The following TXNRD3 variants were observed in gnomAD, a reference collection of about 807,000 sequenced individuals.
The protein encoded by TXNRD3 is TXNRD3 neighbor gene protein.
In TXNRD3, 68 loss-of-function variants were observed where a neutral mutation model predicts 78.2. The observed-to-expected ratio is 0.87, with a 90% CI of 0.72 to 1.06. The LOEUF (loss-of-function observed/expected upper bound fraction) is 1.06, where lower values mean the gene tolerates loss of function less well. Among genes scored for constraint, TXNRD3 ranks in the 50% least tolerant of loss-of-function variants. The pLI is 0.00. For synonymous variants in TXNRD3, 296 were observed against 300.1 expected, an observed-to-expected ratio of 0.99 and a Z score of 0.14; for missense variants, 751 against 809.5, an observed-to-expected ratio of 0.93 and a Z score of 0.88.
Position 126,630,857 on chromosome 3 carries a change from C to G in TXNRD3, c.1052G>C (p.Gly351Ala). 2 of 1,535,950 alleles carry G rather than the reference C, an allele frequency of 1.3e-6. No individual in the cohort carries two copies. The highest frequency in any genetic ancestry group is 1.7e-6 in the Non-Finnish European group (2 of 1,146,846). Residue 351 changes from glycine to alanine, a missense_variant, in exon 9 of 16, where the codon GGG (glycine) becomes GCG (alanine). Gly to Ala is a moderately conservative substitution (Grantham distance 60). Transcript: ENST00000524230. Reference sequence around the variant, plus strand: ...ATCTAGGCCAAAGCCAGCCAGAAACCCTGCACACTCCAGGGCAACATAAGA... The same window carrying G: ...ATCTAGGCCAAAGCCAGCCAGAAACGCTGCACACTCCAGGGCAACATAAGA...
At chr3:126,625,951 A>T (rs1938570263) in intron 10 of TXNRD3, 1 of 152,856 alleles carries the variant, frequency 6.5e-6, no homozygotes, top group African/African-American at 2.4e-5. Context: ...TGCAGAATGG[A>T]AAATCAAGAC....
intron 1 of TXNRD3, among the ~76,000 whole-genome samples, chr3:126,647,939 G>C: frequency 6.6e-6 from 1 of 152,200 alleles, no homozygotes; most frequent in East Asian, 1.9e-4. Context: ...TCTGTTCACA[G>C]ACAACATGAT....
chr3:126,617,800 G>A (rs78998571), intron 12 of TXNRD3, among the ~76,000 whole-genome samples: 2 of 152,260 alleles, frequency 1.3e-5, no homozygotes, highest in East Asian at 3.9e-4. Flanking sequence ...CCTCTTTGCA[G>A]ACAATATGAT....
rs919082744 is a variant in TXNRD3, at chr3:126,655,092, C to T, written c.-102G>A. On this transcript the variant is annotated 5_prime_UTR_variant, in exon 1 of 16. Coordinates refer to ENST00000524230, the MANE Select transcript of TXNRD3 (RefSeq NM_052883.3). ...CCTGAGGGGCGGCGAACGCTGCCCT[C>T]GCTGGCCACTCTCACCACCCGCGCG... 5.4e-6 allele frequency: 7 copies of T among 1,302,354 alleles called. No individual in the cohort carries two copies. Among genetic ancestry groups the T allele is most frequent in the Non-Finnish European group, 6.8e-6 (7 of 1,025,024 alleles). The allele number at this position is 1,302,354 out of a possible 1,614,324, so 80.7% of individuals were successfully genotyped here.
intron 13 of TXNRD3, among the ~76,000 whole-genome samples, chr3:126,613,930 A>C (rs532601595): frequency 6.6e-6 from 1 of 152,362 alleles, no homozygotes; most frequent in Non-Finnish European, 1.5e-5. Flanking sequence ...GTCCTTCAGG[A>C]GGTATCCAGA....
At chr3:126,644,529 A>G (rs1933183968) in intron 3 of TXNRD3, 128 bp from the exon 4 acceptor site, 2 of 675,162 alleles carry the variant, frequency 3.0e-6, no homozygotes, top group Admixed American at 6.0e-5. Flanking sequence ...TAATTCATCT[A>G]AGTTGGAGTT....
intron 1 of TXNRD3, among the ~76,000 whole-genome samples, chr3:126,652,727 T>C (rs896257669): frequency 2.0e-5 from 3 of 152,188 alleles, no homozygotes; most frequent in African/African-American, 4.8e-5. Context: ...CCAGCCAGGT[T>C]TGGATCCCGC....
chr3:126,641,962 T>C, intron 6 of TXNRD3, 70 bp downstream of exon 6: 1 of 1,424,166 alleles, frequency 7.0e-7, no homozygotes. Flanking sequence ...AAAATATGAA[T>C]ACCAAGTCTT....
intron 7 of TXNRD3, among the ~76,000 whole-genome samples, chr3:126,632,856 G>A (rs879333600): frequency 2.1e-4 from 32 of 152,242 alleles, no homozygotes; most frequent in Admixed American, 9.2e-4. Context: ...GCTCTGGGGT[G>A]AAACGGAGAC....
intron 14 of TXNRD3, among the ~76,000 whole-genome samples, chr3:126,608,867 A>G (rs1453993957): frequency 6.6e-6 from 1 of 152,210 alleles, no homozygotes; most frequent in African/African-American, 2.4e-5. Flanking sequence ...AGAACAAGCA[A>G]TTTACCCACT....
intron 13 of TXNRD3, 37 bp from the exon 14 acceptor site, chr3:126,611,169 G>T: frequency 7.6e-7 from 1 of 1,316,774 alleles, no homozygotes; most frequent in Non-Finnish European, 1.0e-6. Flanking sequence ...CAGAATTAAT[G>T]TATATGGAAA....
intron 12 of TXNRD3, among the ~76,000 whole-genome samples, chr3:126,617,588 T>C (rs542188862): frequency 1.6e-4 from 24 of 152,208 alleles, no homozygotes; most frequent in Middle Eastern, 3.4e-3. Context: ...CAAAAACAAC[T>C]GGAGAAATTC....
At chr3:126,654,023 T>C (rs1312763970) in intron 1 of TXNRD3, among the ~76,000 whole-genome samples, 1 of 142,492 alleles carries the variant, frequency 7.0e-6, no homozygotes, top group Non-Finnish European at 1.5e-5. Context: ...TTGGTAAAAA[T>C]GTAAAAAAAA....
chr3:126,607,856 T>C lies in TXNRD3; in HGVS notation c.*49A>G, dbSNP rs757692513. On this transcript the variant is annotated 3_prime_UTR_variant, in exon 16 of 16. Coordinates refer to ENST00000524230, the MANE Select transcript of TXNRD3 (RefSeq NM_052883.3). Reference sequence around the variant, plus strand: ...CTCATTTTATCCGAGAGCATTCTTATCTTTGAGAGAAATGAGAATATGACA... The same window carrying C: ...CTCATTTTATCCGAGAGCATTCTTACCTTTGAGAGAAATGAGAATATGACA... 21 of 1,431,682 alleles carry C rather than the reference T, an allele frequency of 1.5e-5. No homozygotes were observed. The highest frequency in any genetic ancestry group is 3.5e-4 in the Middle Eastern group (2 of 5,712). The allele number at this position is 1,431,682 out of a possible 1,614,324, so 88.7% of individuals were successfully genotyped here. A position where few individuals can be genotyped will look rare whatever the true frequency, so the allele number is the denominator to read the frequency against.
At chr3:126,634,686 T>C (rs1938810294) in intron 6 of TXNRD3, among the ~76,000 whole-genome samples, 2 of 152,180 alleles carry the variant, frequency 1.3e-5, no homozygotes, top group South Asian at 4.1e-4. Flanking sequence ...GTGTTCACCT[T>C]GTCTACAGAT....
In TXNRD3 at chr3:126,654,704, C is replaced by G. The variant is rs1933469283; in HGVS notation, c.243+44G>C. 2.5e-6 allele frequency: 3 copies of G among 1,220,380 alleles called. No individual in the cohort carries two copies. In the South Asian group the frequency reaches 1.0e-4, roughly 41 times the overall value. 75.6% of individuals were successfully genotyped at this position (1,220,380 alleles called of 1,614,324 possible). On this transcript the variant is annotated intron_variant, in intron 1 of 15. Coordinates refer to ENST00000524230, the MANE Select transcript of TXNRD3 (RefSeq NM_052883.3). ...CCTGCCCCGGGTGGCGTCCGCGTGGCGGGCCCGGTCGCGCGCGGTGGAACC... is the reference window on the plus strand; with the variant it reads ...CCTGCCCCGGGTGGCGTCCGCGTGGGGGGCCCGGTCGCGCGCGGTGGAACC...
At position 126,655,074 on chromosome 3, in the gene TXNRD3, G is replaced by A; in HGVS notation, c.-84C>T. 7.7e-7 allele frequency: 1 copy of A among 1,296,706 alleles called. No homozygotes were observed. The highest frequency in any genetic ancestry group is 9.8e-7 in the Non-Finnish European group (1 of 1,023,102). The allele number at this position is 1,296,706 out of a possible 1,614,324, so 80.3% of individuals were successfully genotyped here. A position where few individuals can be genotyped will look rare whatever the true frequency, so the allele number is the denominator to read the frequency against. ...TGCGGCGCCGGGACGGGGCCTGAGG[G>A]GCGGCGAACGCTGCCCTCGCTGGCC... On this transcript the variant is annotated 5_prime_UTR_variant, in exon 1 of 16. Coordinates refer to ENST00000524230, the MANE Select transcript of TXNRD3 (RefSeq NM_052883.3).
intron 12 of TXNRD3, among the ~76,000 whole-genome samples, chr3:126,621,516 G>A (rs930713301): frequency 6.6e-6 from 1 of 152,134 alleles, no homozygotes; most frequent in East Asian, 1.9e-4. Flanking sequence ...TAAGCCCCTG[G>A]GGCTGACCAT....
chr3:126,612,210 GTAT>G (rs1407604615), intron 13 of TXNRD3, among the ~76,000 whole-genome samples: 2 of 151,960 alleles, frequency 1.3e-5, no homozygotes, highest in Admixed American at 1.3e-4. Flanking sequence ...GCTAATTTTT[GTAT>G]TTTCTGTAGA....
Sources: allele counts gnomAD v4.1 joint callset (sites outside exome capture counted in the v4.1 genomes callset), GRCh38; gene constraint gnomAD v4.1.1; transcripts MANE v1.5; gene names NCBI Gene and HGNC (gene_info 2026-07-23, HGNC 2026-07-21).